SLC30A10: variants seen among roughly 807,000 people sequenced by gnomAD.
SLC30A10 encodes the protein calcium/manganese antiporter SLC30A10.
SLC30A10 carries 8 observed loss-of-function variants against 21.7 expected under a neutral mutation model. The observed-to-expected ratio is 0.37, with a 90% confidence interval of 0.22 to 0.67. SLC30A10 has a LOEUF of 0.67. Ranked by LOEUF, SLC30A10 falls within the 30% of genes least tolerant of loss-of-function variation. SLC30A10 has a pLI of 0.58. For synonymous variants in SLC30A10, 272 were observed against 279.4 expected (o/e 0.97, Z 0.26); for missense variants, 521 against 642.5 (o/e 0.81, Z 2.04).
rs906132774 is a variant in SLC30A10, at chr1:219,915,010, T to C, written c.*439A>G. On this transcript the variant is annotated 3_prime_UTR_variant, in exon 4 of 4. Coordinates refer to ENST00000366926, the MANE Select transcript of SLC30A10 (RefSeq NM_018713.3). ...GCCTCTTTTATGATCGTTAAGGGGA[T>C]TGGGAAAAATACAGCTATTGTGGTA... The C allele has an allele frequency of 7.0e-5, 11 of 156,652 alleles. No homozygotes were observed. The highest frequency in any genetic ancestry group is 5.6e-4 in the Admixed American group (9 of 16,046). 9.7% of individuals were successfully genotyped at this position (156,652 alleles called of 1,614,324 possible).
Position 219,925,649 on chromosome 1 carries a change from A to ATTT in SLC30A10, c.718+1378_718+1379insAAA, listed in dbSNP as rs1414820217. The stretch of plus-strand genomic sequence containing the variant: ...TGTGTGTACATATATATATATATAT[A>ATTT]TATTTTTTTTTTTTTTTTTTTTTTG... On this transcript the variant is annotated intron_variant, in intron 2 of 3. Transcript: ENST00000366926. 7.3e-4 allele frequency among the ~76,000 whole-genome samples: 48 copies of ATTT among 65,920 alleles called. 2 individuals carry two copies. The highest frequency in any genetic ancestry group is 3.7e-3 in the East Asian group (6 of 1,608). 43.2% of individuals were successfully genotyped at this position (65,920 alleles called of 152,430 possible).
At chr1:219,933,246 G>C (rs371257045), upstream of SLC30A10, among the ~76,000 whole-genome samples, 15 of 152,144 alleles carry the variant, frequency 9.9e-5, no homozygotes, top group African/African-American at 2.9e-4. Flanking sequence ...TCTTCAAAAT[G>C]CCACTTGTTC....
chr1:219,954,834 G>C lies in SLC30A10; in HGVS notation n.80+3734C>G, dbSNP rs199671637. Among the ~76,000 whole-genome samples, 9 of 151,604 alleles carry C rather than the reference G, an allele frequency of 5.9e-5. No individual in the cohort carries two copies. In the East Asian group the frequency reaches 1.4e-3, roughly 23 times the overall value. On this transcript the variant is annotated intron_variant and non_coding_transcript_variant, in intron 1 of 8. Coordinates refer to the SLC30A10 transcript ENST00000484239. ...GCCCCGTCTATCCCAGACAGAAAAA[G>C]ACGCAAAATAGAGCAGAAGCCATCC...
chr1:219,932,311 G>A (rs2102538584), upstream of SLC30A10, among the ~76,000 whole-genome samples: 1 of 152,252 alleles, frequency 6.6e-6, no homozygotes, highest in Non-Finnish European at 1.5e-5. Flanking sequence ...CAAATGAAAT[G>A]GTTTTTAAAA....
chr1:219,948,055 G>A (rs1660214345), intron 1 of SLC30A10, among the ~76,000 whole-genome samples: 1 of 151,690 alleles, frequency 6.6e-6, no homozygotes, highest in African/African-American at 2.4e-5. Context: ...AACTTACAAG[G>A]GACGTGAAGG....
chr1:219,926,501 C>T (rs1165508693), intron 2 of SLC30A10, among the ~76,000 whole-genome samples: 2 of 152,096 alleles, frequency 1.3e-5, no homozygotes, highest in East Asian at 3.9e-4. Context: ...TGGTGAGAGG[C>T]TAGCTAGGTG....
chr1:219,934,043 C>T (rs1660007621), intron 1 of SLC30A10, among the ~76,000 whole-genome samples: 1 of 152,122 alleles, frequency 6.6e-6, no homozygotes, highest in Non-Finnish European at 1.5e-5. Context: ...AATCCCAGCA[C>T]ATTGGAAGGC....
intron 1 of SLC30A10, among the ~76,000 whole-genome samples, chr1:219,952,732 A>G (rs1660287313): frequency 6.6e-6 from 1 of 152,220 alleles, no homozygotes. Context: ...ACAGATGTCA[A>G]TATAAACTCA....
At chr1:219,915,985 C>A (rs370930114) in intron 3 of SLC30A10, 37 bp from the exon 4 acceptor site, 1 of 1,585,746 alleles carries the variant, frequency 6.3e-7, no homozygotes, top group South Asian at 1.1e-5. Context: ...CCAAGGTGAG[C>A]GCTGCATTTG....
chr1:219,948,671 C>T (rs1242306280), intron 1 of SLC30A10, among the ~76,000 whole-genome samples: 4 of 152,160 alleles, frequency 2.6e-5, no homozygotes, highest in African/African-American at 9.7e-5. Flanking sequence ...AGAAGAAAAC[C>T]TATGCATTAC....
At chr1:219,955,771 T>C (rs968460228) in intron 1 of SLC30A10, among the ~76,000 whole-genome samples, 13 of 152,334 alleles carry the variant, frequency 8.5e-5, no homozygotes, top group Admixed American at 3.9e-4. Context: ...ATTCTGATCA[T>C]GAAGCCAGGC....
rs368924516 is a variant in SLC30A10, at chr1:219,918,244, A to G, written c.958+11T>C. 2.3e-5 allele frequency: 37 copies of G among 1,612,278 alleles called. No homozygotes were observed. Among genetic ancestry groups the G allele is most frequent in the Non-Finnish European group, 2.9e-5 (34 of 1,179,146 alleles). ...TGAGAGTGGTTCTGGATCAAAATTC[A>G]GTCTACTTACTCAGCTCTTCCATGT... is the stretch of plus-strand genomic sequence containing the variant. On this transcript the variant is annotated intron_variant, in intron 3 of 3. Transcript: ENST00000366926. The surrounding 1 kb of genome is among the most constrained non-coding windows in gnomAD (Gnocchi z 4.4).
Position 219,927,823 on chromosome 1 carries a change from C to T in SLC30A10, c.618G>A (p.Ala206=). ...TSVERKREKG[A]TVFANVAGDS... ...CACCTGCTACGTTTGCGAACACGGTCGCCCCCTTCTCCCGCTTCCTTTCCA... is the reference window on the plus strand; with the variant it reads ...CACCTGCTACGTTTGCGAACACGGTTGCCCCCTTCTCCCGCTTCCTTTCCA... The change falls in exon 1 of 4, where the codon GCG becomes GCA. Residue 206 remains alanine, a synonymous_variant. Coordinates refer to ENST00000366926, the MANE Select transcript of SLC30A10 (RefSeq NM_018713.3). The T allele has an allele frequency of 6.5e-7, 1 of 1,547,286 alleles. No individual in the cohort carries two copies. The highest frequency in any genetic ancestry group is 1.2e-5 in the South Asian group (1 of 83,804).
rs778962396 is a variant in SLC30A10, at chr1:219,927,066, A to T, written c.680T>A (p.Met227Lys). 1.2e-6 allele frequency: 2 copies of T among 1,613,828 alleles called. No individual in the cohort carries two copies. The highest frequency in any genetic ancestry group is 2.2e-5 in the East Asian group (1 of 44,878). ...AGCTTCAGACTTTTTCTCTTTTTTC[A>T]TCATGTCTTCTGGCTCATTCTGGGT... ...FNTQNEPEDM[M>K]KKEKKSEALN... Residue 227 changes from methionine to lysine, a missense_variant, in exon 2 of 4, where the codon ATG becomes AAG. Coordinates refer to ENST00000366926, the MANE Select transcript of SLC30A10 (RefSeq NM_018713.3).
rs1479309312 is a variant in SLC30A10 at position 219,911,000 on chromosome 1, T to C, written c.*4449A>G. ...GGTTTGACAACCTCATTTCTACCTG[T>C]GGCTACTCAAGGGTAAATAAACTAA... On this transcript the variant is annotated 3_prime_UTR_variant, in exon 4 of 4. Transcript: ENST00000366926. Among the ~76,000 whole-genome samples the C allele has an allele frequency of 2.0e-5, 3 of 152,182 alleles. No homozygotes were observed. Among genetic ancestry groups the C allele is most frequent in the Non-Finnish European group, 4.4e-5 (3 of 68,012 alleles).
At position 219,940,046 on chromosome 1, in the gene SLC30A10, G is replaced by A. The variant is rs142197665; in HGVS notation, n.81-12941C>T. On this transcript the variant is annotated intron_variant and non_coding_transcript_variant, in intron 1 of 8. Transcript: ENST00000484239. ...TTCTTCTACAGGGTGACCTTGATAC[G>A]CCTTCCATTCAAAGGCCGACTCTAT... Among the ~76,000 whole-genome samples, 366 of 152,248 alleles carry A rather than the reference G, an allele frequency of 2.4e-3. 2 individuals are homozygous for A. The highest frequency in any genetic ancestry group is 8.3e-3 in the African/African-American group (346 of 41,550).
At position 219,922,874 on chromosome 1, in the gene SLC30A10, A is replaced by G. The variant is rs188814971; in HGVS notation, c.718+4154T>C. Among the ~76,000 whole-genome samples the G allele has an allele frequency of 1.2e-3, 180 of 152,328 alleles. 2 individuals are homozygous for G. Among genetic ancestry groups the G allele is most frequent in the Non-Finnish European group, 2.8e-4 (19 of 68,026 alleles). On this transcript the variant is annotated intron_variant, in intron 2 of 3. Coordinates refer to ENST00000366926, the MANE Select transcript of SLC30A10 (RefSeq NM_018713.3). ...CATTATATAGATGACGGGACTGAAC[A>G]TTAAAGAGATGAAGTTCCTTGCCCA...
chr1:219,934,987 GA>G (rs1381883370), intron 1 of SLC30A10, among the ~76,000 whole-genome samples: 9 of 152,178 alleles, frequency 5.9e-5, no homozygotes, highest in Admixed American at 3.9e-4. Context: ...AAGAACAGGG[GA>G]AAGGGTTAAA....
chr1:219,948,717 C>T (rs1413115367), intron 1 of SLC30A10, among the ~76,000 whole-genome samples: 1 of 152,162 alleles, frequency 6.6e-6, no homozygotes, highest in Non-Finnish European at 1.5e-5. Flanking sequence ...GACTTCATGT[C>T]TAAAACACCA....
Sources: gnomAD v4.1 joint callset for allele counts (sites outside exome capture counted in the v4.1 genomes callset) on GRCh38, gnomAD v4.1.1 for gene constraint, Gnocchi (gnomAD v3.1) non-coding constraint, MANE v1.5 for transcripts, NCBI Gene and HGNC (gene_info 2026-07-23, HGNC 2026-07-21) for gene names.